The following COL19A1 variants were observed in gnomAD, a reference collection of about 807,000 sequenced individuals.
COL19A1 encodes the protein collagen alpha-1(XIX) chain.
COL19A1 carries 159 observed loss-of-function variants against 190.2 expected under a neutral mutation model. The ratio of observed to expected loss-of-function variants is 0.84; its 90% CI spans 0.73 to 0.95. The LOEUF (loss-of-function observed/expected upper bound fraction) is 0.95. Among genes scored for constraint, COL19A1 ranks in the 40% least tolerant of loss-of-function variants. The pLI, the probability that COL19A1 is intolerant of heterozygous loss-of-function variation, is 0.00. For synonymous variants in COL19A1, 509 were observed against 458.9 expected (o/e 1.11, Z -1.39); for missense variants, 1,418 against 1,431.9 (o/e 0.99, Z 0.16).
At chr6:70,125,611 A>G (rs1199332836) in intron 17 of COL19A1, among the ~76,000 whole-genome samples, 1 of 152,202 alleles carries the variant, frequency 6.6e-6, no homozygotes, top group Admixed American at 6.5e-5. Context: ...AGGAAGAAAA[A>G]AAAAGCAAAT....
chr6:70,055,487 G>T (rs1349189760), intron 14 of COL19A1, among the ~76,000 whole-genome samples: 2 of 151,888 alleles, frequency 1.3e-5, no homozygotes, highest in Non-Finnish European at 2.9e-5. Flanking sequence ...AATATAAAAT[G>T]TTCACATTTT....
rs532286636 is a variant in COL19A1 at position 69,949,134 on chromosome 6, CAGTT to C, written c.937-10859_937-10856del. 5.3e-4 allele frequency among the ~76,000 whole-genome samples: 80 copies of C among 151,932 alleles called. 1 individual carries two copies. The South Asian group carries it at 0.015, about 29-fold the overall frequency. On this transcript the variant is annotated intron_variant, in intron 9 of 50. Transcript: ENST00000620364. ...AGTTACTCTTAAAGGGTCTCACAGACAGTTAGAGAATTCATGTAACTTCCAGTGG... is the reference window on the plus strand; with the variant it reads ...AGTTACTCTTAAAGGGTCTCACAGACAGAGAATTCATGTAACTTCCAGTGG...
intron 11 of COL19A1, among the ~76,000 whole-genome samples, chr6:69,983,017 TAAATATAA>T (rs1329514541): frequency 3.6e-4 from 54 of 148,882 alleles, no homozygotes; most frequent in South Asian, 1.9e-3. Flanking sequence ...AATAAATAAA[TAAATATAA>T]AATAAAATCA....
At chr6:70,124,351 C>G (rs186627757) in intron 17 of COL19A1, among the ~76,000 whole-genome samples, 1 of 152,130 alleles carries the variant, frequency 6.6e-6, no homozygotes, top group African/African-American at 2.4e-5. Context: ...TAAAATATAC[C>G]TAGTTGCTAC....
At chr6:70,068,536 C>A in intron 15 of COL19A1, 60 bp downstream of exon 15, 1 of 1,115,864 alleles carries the variant, frequency 9.0e-7, no homozygotes, top group Admixed American at 2.1e-5. Context: ...TATTTGGGAA[C>A]ACTAATGAAA....
chr6:69,919,025 G>T (rs1042646940), intron 4 of COL19A1, among the ~76,000 whole-genome samples: 1 of 152,176 alleles, frequency 6.6e-6, no homozygotes, highest in African/African-American at 2.4e-5. Context: ...TATCTTGGTT[G>T]CATCTCACAT....
chr6:70,163,954 CCT>C (rs1787976366), intron 36 of COL19A1, among the ~76,000 whole-genome samples: 1 of 152,112 alleles, frequency 6.6e-6, no homozygotes, highest in Non-Finnish European at 1.5e-5. Context: ...CTCCCTTGGG[CCT>C]CCTTTATAAG....
At chr6:69,915,202 A>C (rs1052569825) in intron 4 of COL19A1, among the ~76,000 whole-genome samples, 6 of 152,210 alleles carry the variant, frequency 3.9e-5, no homozygotes, top group Admixed American at 2.6e-4. Context: ...CTAATAAGTA[A>C]ACAAATTTAT....
chr6:70,175,305 C>A (rs764900910), intron 41 of COL19A1, among the ~76,000 whole-genome samples: 2 of 152,130 alleles, frequency 1.3e-5, no homozygotes, highest in Non-Finnish European at 2.9e-5. Flanking sequence ...GTAGTCAAAT[C>A]TAACACTATA....
Position 70,206,924 on chromosome 6 carries a change from A to G in COL19A1, c.3247A>G (p.Arg1083Gly). The change falls in exon 50 of 51, where the codon AGA becomes GGA. Residue 1083 changes from arginine to glycine, a missense_variant. Coordinates refer to ENST00000620364, the MANE Select transcript of COL19A1 (RefSeq NM_001858.6). ...PQGYRGQKGE[R>G]GEPGIGLPGS... The stretch of plus-strand genomic sequence containing the variant: ...AGGCTACAGAGGACAGAAGGGAGAA[A>G]GAGGTGAACCTGGAATTGGGCTGCC... 2.5e-6 allele frequency: 4 copies of G among 1,613,858 alleles called. No homozygotes were observed. Among genetic ancestry groups the G allele is most frequent in the South Asian group, 2.2e-5 (2 of 91,062 alleles).
At chr6:70,111,701 C>T (rs1454568454) in intron 16 of COL19A1, among the ~76,000 whole-genome samples, 1 of 151,970 alleles carries the variant, frequency 6.6e-6, no homozygotes, top group Non-Finnish European at 1.5e-5. Flanking sequence ...AAATTATTAA[C>T]TATTTTTTAG....
intron 11 of COL19A1, among the ~76,000 whole-genome samples, chr6:69,981,058 G>A (rs893813610): frequency 6.6e-6 from 1 of 152,156 alleles, no homozygotes; most frequent in Non-Finnish European, 1.5e-5. Context: ...AGTGGTATAA[G>A]CTTTAATACA....
At chr6:70,097,162 A>C (rs1433477948) in intron 15 of COL19A1, among the ~76,000 whole-genome samples, 2 of 152,064 alleles carry the variant, frequency 1.3e-5, no homozygotes, top group Non-Finnish European at 2.9e-5. Context: ...CAAAAGTCTA[A>C]TTTAAGATAA....
At chr6:70,010,781 G>A (rs1196905312) in intron 11 of COL19A1, among the ~76,000 whole-genome samples, 1 of 127,798 alleles carries the variant, frequency 7.8e-6, no homozygotes, top group Non-Finnish European at 1.6e-5. Flanking sequence ...CGAGGCTGGG[G>A]GAGGGGCGCC....
chr6:69,933,010 A>C, intron 7 of COL19A1, 147 bp downstream of exon 7: 1 of 527,246 alleles, frequency 1.9e-6, no homozygotes, highest in Non-Finnish European at 3.3e-6. Flanking sequence ...AAGCATTCAT[A>C]GTGCTTTCTC....
intron 48 of COL19A1, among the ~76,000 whole-genome samples, chr6:70,197,282 G>A (rs755979642): frequency 3.0e-4 from 46 of 151,970 alleles, no homozygotes; most frequent in Non-Finnish European, 5.3e-4. Flanking sequence ...AATTAGCCGG[G>A]CATGGTGGTG....
chr6:70,150,264 T>C (rs1205904326), intron 30 of COL19A1, among the ~76,000 whole-genome samples: 1 of 152,178 alleles, frequency 6.6e-6, no homozygotes, highest in African/African-American at 2.4e-5. Flanking sequence ...ATAATTCAAC[T>C]GTACAATTTT....
intron 15 of COL19A1, among the ~76,000 whole-genome samples, chr6:70,086,472 TATG>T (rs764180122): frequency 4.6e-5 from 7 of 152,204 alleles, no homozygotes; most frequent in South Asian, 2.1e-4. Context: ...CCATTTAATC[TATG>T]ATATTTTGTT....
At chr6:70,051,191 C>T (rs1352201527) in intron 14 of COL19A1, among the ~76,000 whole-genome samples, 1 of 152,030 alleles carries the variant, frequency 6.6e-6, no homozygotes, top group African/African-American at 2.4e-5. Flanking sequence ...TATTTTATCA[C>T]ATTATTTTAA....
Sources: allele counts gnomAD v4.1 joint callset (sites outside exome capture counted in the v4.1 genomes callset), GRCh38; gene constraint gnomAD v4.1.1; transcripts MANE v1.5; gene names NCBI Gene and HGNC (gene_info 2026-07-23, HGNC 2026-07-21).